ARNT2: variants seen among roughly 807,000 people sequenced by gnomAD.
ARNT2 encodes the protein ARNT protein 2.
Under a neutral mutation model 91.7 loss-of-function variants are expected in ARNT2, and 36 were observed. That is an observed-to-expected ratio of 0.39 (90% confidence interval 0.30 to 0.52). The LOEUF is 0.52. Among genes scored for constraint, ARNT2 ranks in the 20% least tolerant of loss-of-function variants. ARNT2 has a pLI of 0.72. For missense variants in ARNT2, 775 were observed against 939.3 expected (o/e 0.83, Z 2.29); for synonymous variants, 365 against 347.1 (o/e 1.05, Z -0.57).
chr15:80,435,419 AGGTCCGTTGCT>A (rs1449126076), intron 1 of ARNT2, among the ~76,000 whole-genome samples: 1 of 152,150 alleles, frequency 6.6e-6, no homozygotes, highest in Non-Finnish European at 1.5e-5. Flanking sequence ...AGAAGCAGCA[AGGTCCGTTGCT>A]GCTGAGCGGA....
chr15:80,557,854 T>C (rs1390359053), intron 11 of ARNT2, among the ~76,000 whole-genome samples: 1 of 152,212 alleles, frequency 6.6e-6, no homozygotes, highest in Admixed American at 6.5e-5. Flanking sequence ...TTACTCTTAC[T>C]CTACTCCAAG....
At chr15:80,415,658 G>C (rs910786045) in intron 1 of ARNT2, among the ~76,000 whole-genome samples, 1 of 152,210 alleles carries the variant, frequency 6.6e-6, no homozygotes, top group Non-Finnish European at 1.5e-5. Context: ...CGTAACATTG[G>C]ATGTGGACAG....
Position 80,582,568 on chromosome 15 carries a change from C to T in ARNT2, c.1918+1164C>T, listed in dbSNP as rs1193676320. On this transcript the variant is annotated intron_variant, in intron 17 of 18. Transcript: ENST00000303329. Reference sequence around the variant, plus strand: ...TGGGGAGTTGTCATCTGCTGCCCAGCCCTCCCCACCTCCTCCACTAACAGC... The same window carrying T: ...TGGGGAGTTGTCATCTGCTGCCCAGTCCTCCCCACCTCCTCCACTAACAGC... Among the ~76,000 whole-genome samples the T allele has an allele frequency of 3.9e-5, 6 of 152,108 alleles. No individual in the cohort carries two copies. In the East Asian group the frequency reaches 1.2e-3, roughly 29 times the overall value.
rs1412274337 is a variant in ARNT2 at position 80,514,300 on chromosome 15, T to C, written c.792-20T>C. The C allele has an allele frequency of 3.1e-6, 5 of 1,613,190 alleles. No individual in the cohort carries two copies. The highest frequency in any genetic ancestry group is 3.4e-6 in the Non-Finnish European group (4 of 1,179,252). ...TCACCCTCATGTGATGAAAACAATT[T>C]CACAAATGTTCTTTTTTAGGAATGG... On this transcript the variant is annotated intron_variant, in intron 7 of 18. Coordinates refer to ENST00000303329, the MANE Select transcript of ARNT2 (RefSeq NM_014862.4).
chr15:80,433,729 A>C (rs935394497), intron 1 of ARNT2: 1 of 152,232 alleles, frequency 6.6e-6, no homozygotes, highest in Non-Finnish European at 1.5e-5. Context: ...AGGCAGGTTA[A>C]TTGGAGAAAA....
intron 17 of ARNT2, among the ~76,000 whole-genome samples, chr15:80,585,690 C>T (rs943701409): frequency 6.6e-6 from 1 of 152,196 alleles, no homozygotes; most frequent in Non-Finnish European, 1.5e-5. Flanking sequence ...ATGGTCTACA[C>T]ACCCACCCCA....
chr15:80,435,471 T>C (rs900568092), intron 1 of ARNT2, among the ~76,000 whole-genome samples: 1 of 152,132 alleles, frequency 6.6e-6, no homozygotes, highest in Non-Finnish European at 1.5e-5. Flanking sequence ...TGGCTTCCTT[T>C]CATCCTGGGC....
chr15:80,515,997 G>A (rs1470137786), intron 8 of ARNT2, among the ~76,000 whole-genome samples: 1 of 151,604 alleles, frequency 6.6e-6, no homozygotes, highest in Non-Finnish European at 1.5e-5. Context: ...AGCCTCCTGA[G>A]TAGCTGGGAT....
At chr15:80,467,529 G>T (rs1447296532) in intron 3 of ARNT2, among the ~76,000 whole-genome samples, 1 of 152,232 alleles carries the variant, frequency 6.6e-6, no homozygotes, top group East Asian at 1.9e-4. Flanking sequence ...GGGTGCATGG[G>T]AGGAAAGCCG....
intron 12 of ARNT2, among the ~76,000 whole-genome samples, chr15:80,569,821 G>T (rs374814098): frequency 1.3e-5 from 2 of 152,234 alleles, no homozygotes; most frequent in East Asian, 3.8e-4. Flanking sequence ...GAGTGGAGAG[G>T]GCCAGGTTTG....
intron 8 of ARNT2, among the ~76,000 whole-genome samples, chr15:80,539,500 T>G (rs1172472232): frequency 6.6e-6 from 1 of 151,926 alleles, no homozygotes; most frequent in Non-Finnish European, 1.5e-5. Context: ...TTATGCAGAG[T>G]GATTAAATAT....
At chr15:80,495,350 A>G (rs1412099519) in intron 5 of ARNT2, among the ~76,000 whole-genome samples, 1 of 152,202 alleles carries the variant, frequency 6.6e-6, no homozygotes, top group Non-Finnish European at 1.5e-5. Flanking sequence ...CTCTCCCGAC[A>G]TGGCTGGACA....
intron 3 of ARNT2, among the ~76,000 whole-genome samples, chr15:80,464,839 G>C (rs1053515517): frequency 5.3e-5 from 8 of 152,184 alleles, no homozygotes; most frequent in Non-Finnish European, 1.5e-5. Context: ...GAGTGTCACC[G>C]AGGTGGGGCA....
At chr15:80,469,815 A>G (rs1389803008) in intron 3 of ARNT2, among the ~76,000 whole-genome samples, 3 of 152,188 alleles carry the variant, frequency 2.0e-5, no homozygotes, top group Non-Finnish European at 2.9e-5. Flanking sequence ...GGGTTTTACC[A>G]TGTTGGTCAG....
At chr15:80,548,575 A>G (rs1898028544) in intron 8 of ARNT2, among the ~76,000 whole-genome samples, 1 of 152,162 alleles carries the variant, frequency 6.6e-6, no homozygotes, top group Non-Finnish European at 1.5e-5. Flanking sequence ...ATTCAGGTTA[A>G]TATATGAAAA....
intron 17 of ARNT2, among the ~76,000 whole-genome samples, chr15:80,590,911 C>G (rs1893264044): frequency 1.3e-5 from 2 of 152,226 alleles, no homozygotes; most frequent in African/African-American, 4.8e-5. Flanking sequence ...ATTTCTTCCC[C>G]TGCAAACAAA....
intron 12 of ARNT2, among the ~76,000 whole-genome samples, chr15:80,568,952 G>A (rs1337009729): frequency 1.3e-5 from 2 of 152,156 alleles, no homozygotes; most frequent in East Asian, 1.9e-4. Flanking sequence ...ACACACGCGC[G>A]TGCACACACA....
intron 8 of ARNT2, among the ~76,000 whole-genome samples, chr15:80,542,121 G>A (rs1897917170): frequency 6.6e-6 from 1 of 152,184 alleles, no homozygotes; most frequent in Admixed American, 6.5e-5. Context: ...TGAATTTACT[G>A]AAGACATTCT....
chr15:80,453,746 A>G (rs1423596515), intron 2 of ARNT2, among the ~76,000 whole-genome samples: 1 of 151,972 alleles, frequency 6.6e-6, no homozygotes, highest in East Asian at 1.9e-4. Context: ...TCCCTTTTCC[A>G]TCTGAGAATG....
Sources: gnomAD v4.1 joint callset for allele counts (sites outside exome capture counted in the v4.1 genomes callset) on GRCh38, gnomAD v4.1.1 for gene constraint, MANE v1.5 for transcripts, NCBI Gene and HGNC (gene_info 2026-07-23, HGNC 2026-07-21) for gene names.